VTI1A: variants seen among roughly 807,000 people sequenced by gnomAD.
The protein encoded by VTI1A is vesicle transport through interaction with t-SNAREs homolog 1A.
In VTI1A, 22 loss-of-function variants were observed where a neutral mutation model predicts 34.9. The observed-to-expected ratio is 0.63, with a 90% CI of 0.45 to 0.90. The LOEUF is 0.90. Among genes scored for constraint, VTI1A ranks in the 40% least tolerant of loss-of-function variants. VTI1A has a pLI of 0.00. For synonymous variants in VTI1A, 87 were observed against 97.3 expected (o/e 0.89, Z 0.62); for missense variants, 268 against 275.6 (o/e 0.97, Z 0.20).
chr10:112,778,183 AC>A, intron 7 of VTI1A, among the ~76,000 whole-genome samples: 1 of 152,180 alleles, frequency 6.6e-6, no homozygotes, highest in East Asian at 1.9e-4. Flanking sequence ...CTAGAAAGTG[AC>A]CTTTCTGATC....
intron 5 of VTI1A, among the ~76,000 whole-genome samples, chr10:112,564,757 T>C (rs537397557): frequency 6.6e-6 from 1 of 152,230 alleles, no homozygotes; most frequent in South Asian, 2.1e-4. Flanking sequence ...TTAAAGGAGA[T>C]ACAAAAATAA....
chr10:112,487,992 GA>G (rs1469599914), intron 3 of VTI1A, among the ~76,000 whole-genome samples: 3 of 152,140 alleles, frequency 2.0e-5, no homozygotes, highest in Non-Finnish European at 2.9e-5. Flanking sequence ...ATTATGCAAA[GA>G]AATGTTCAAA....
intron 5 of VTI1A, among the ~76,000 whole-genome samples, chr10:112,610,610 A>G (rs1317887012): frequency 6.6e-6 from 1 of 152,196 alleles, no homozygotes; most frequent in East Asian, 1.9e-4. Flanking sequence ...ACTTAGGACA[A>G]AATACCTATT....
intron 7 of VTI1A, among the ~76,000 whole-genome samples, chr10:112,696,191 C>G (rs1429112133): frequency 6.6e-6 from 1 of 151,696 alleles, no homozygotes; most frequent in African/African-American, 2.4e-5. Flanking sequence ...TTATCTTATT[C>G]TATTTTCTAT....
At chr10:112,636,896 A>G (rs1478654655) in intron 5 of VTI1A, among the ~76,000 whole-genome samples, 1 of 152,204 alleles carries the variant, frequency 6.6e-6, no homozygotes, top group Non-Finnish European at 1.5e-5. Flanking sequence ...AACCAACAAC[A>G]AAAAACAGTC....
the VTI1A span, among the ~76,000 whole-genome samples, chr10:112,834,170 C>A: frequency 6.6e-6 from 1 of 152,168 alleles, no homozygotes; most frequent in Non-Finnish European, 1.5e-5. Context: ...AGTGAGTGCT[C>A]AGTGAATGGA....
chr10:112,566,000 A>G (rs1199319396), intron 5 of VTI1A, among the ~76,000 whole-genome samples: 1 of 152,076 alleles, frequency 6.6e-6, no homozygotes, highest in Non-Finnish European at 1.5e-5. Context: ...TATTTTGAAG[A>G]TTATTTAAAA....
the VTI1A span, among the ~76,000 whole-genome samples, chr10:112,830,849 A>ATATATATATATATATATATATATATTTTT: frequency 3.3e-4 from 11 of 33,486 alleles, no homozygotes; most frequent in African/African-American, 5.7e-4. Flanking sequence ...ATATATATAT[A>ATATATATATATATATATATATATATTTTT]TTTTTTTTTT....
intron 7 of VTI1A, among the ~76,000 whole-genome samples, chr10:112,733,653 T>C (rs187544666): frequency 6.6e-6 from 1 of 152,292 alleles, no homozygotes; most frequent in African/African-American, 2.4e-5. Flanking sequence ...CTTCTCTCAC[T>C]CCTATTGTCT....
intron 7 of VTI1A, among the ~76,000 whole-genome samples, chr10:112,730,194 A>G (rs777651111): frequency 2.6e-5 from 4 of 152,206 alleles, no homozygotes; most frequent in African/African-American, 9.6e-5. Context: ...GGGCTTTTTA[A>G]GGGGGAGAGG....
At chr10:112,613,390 T>C (rs1394585277) in intron 5 of VTI1A, among the ~76,000 whole-genome samples, 2 of 152,202 alleles carry the variant, frequency 1.3e-5, no homozygotes, top group Non-Finnish European at 2.9e-5. Flanking sequence ...CCACTTCTTA[T>C]GTTGGTATGG....
chr10:112,525,450 G>A (rs1850190078), intron 3 of VTI1A, among the ~76,000 whole-genome samples: 1 of 152,276 alleles, frequency 6.6e-6, no homozygotes, highest in Admixed American at 6.5e-5. Flanking sequence ...GAACTTTTGT[G>A]TGGTAGAATG....
rs189262863 is a variant in VTI1A, at chr10:112,816,238, G to C, written c.*855G>C. ...AAAGCAGTCCTCATACTTGCAAAAGGTCTGACAAGGTTCTCTCCACATACA... is the reference window on the plus strand; with the variant it reads ...AAAGCAGTCCTCATACTTGCAAAAGCTCTGACAAGGTTCTCTCCACATACA... On this transcript the variant is annotated 3_prime_UTR_variant, in exon 8 of 8. Coordinates refer to ENST00000393077, the MANE Select transcript of VTI1A (RefSeq NM_145206.4). 1,216 of 214,934 alleles carry C rather than the reference G, an allele frequency of 5.7e-3. 8 individuals carry two copies. Among genetic ancestry groups the C allele is most frequent in the Middle Eastern group, 0.053 (36 of 682 alleles). The allele number at this position is 214,934 out of a possible 1,614,324, so 13.3% of individuals were successfully genotyped here.
intron 5 of VTI1A, among the ~76,000 whole-genome samples, chr10:112,640,570 AC>A (rs1469767891): frequency 6.6e-6 from 1 of 151,928 alleles, no homozygotes; most frequent in African/African-American, 2.4e-5. Flanking sequence ...ACAAAAAAAA[AC>A]CCCACTAGCT....
At chr10:112,588,723 C>T (rs926583998) in intron 5 of VTI1A, among the ~76,000 whole-genome samples, 1 of 152,196 alleles carries the variant, frequency 6.6e-6, no homozygotes, top group Non-Finnish European at 1.5e-5. Flanking sequence ...AGCCCGTATT[C>T]CTCACATAGG....
chr10:112,630,881 G>A (rs762172177), intron 5 of VTI1A, among the ~76,000 whole-genome samples: 2 of 152,182 alleles, frequency 1.3e-5, no homozygotes, highest in Non-Finnish European at 2.9e-5. Flanking sequence ...CAGCACTTTG[G>A]GAGGCTGAGG....
chr10:112,545,623 G>A (rs566898971), intron 5 of VTI1A, among the ~76,000 whole-genome samples: 4 of 152,296 alleles, frequency 2.6e-5, no homozygotes, highest in Middle Eastern at 3.4e-3. Context: ...AACCAGCAAC[G>A]TTGACATCCC....
At chr10:112,756,818 C>G (rs116551468) in intron 7 of VTI1A, among the ~76,000 whole-genome samples, 1 of 151,964 alleles carries the variant, frequency 6.6e-6, no homozygotes, top group Non-Finnish European at 1.5e-5. Context: ...GAGGCCGAGC[C>G]GGGAGAATCC....
chr10:112,676,235 T>A (rs1312271419), intron 7 of VTI1A, among the ~76,000 whole-genome samples: 1 of 152,108 alleles, frequency 6.6e-6, no homozygotes, highest in Non-Finnish European at 1.5e-5. Flanking sequence ...TTTCCTTATG[T>A]CCCTATTCCT....
Sources: gnomAD v4.1 joint callset for allele counts (sites outside exome capture counted in the v4.1 genomes callset) on GRCh38, gnomAD v4.1.1 for gene constraint, MANE v1.5 for transcripts, NCBI Gene and HGNC (gene_info 2026-07-23, HGNC 2026-07-21) for gene names.